Variants in ULK4 observed in about 807,000 individuals in gnomAD.
ULK4 encodes the protein inactive serine/threonine-protein kinase ULK4.
Under a neutral mutation model 160.6 loss-of-function variants are expected in ULK4, and 133 were observed. The observed-to-expected ratio is 0.83, with a 90% CI of 0.72 to 0.96. ULK4 has a LOEUF of 0.96. Among genes scored for constraint, ULK4 ranks in the 40% least tolerant of loss-of-function variants. ULK4 has a pLI of 0.00. For synonymous variants in ULK4, 534 were observed against 539.8 expected, an observed-to-expected ratio of 0.99 and a Z score of 0.15; for missense variants, 1,580 against 1,499.5, an observed-to-expected ratio of 1.05 and a Z score of -0.89.
intron 18 of ULK4, among the ~76,000 whole-genome samples, chr3:41,831,533 T>TATA (rs763838679): frequency 8.0e-6 from 1 of 125,322 alleles, no homozygotes; most frequent in Non-Finnish European, 1.5e-5. Flanking sequence ...ATATATATAT[T>TATA]TTTTTTTCTT....
At chr3:41,768,361 T>C (rs570914821) in intron 21 of ULK4, among the ~76,000 whole-genome samples, 25 of 152,340 alleles carry the variant, frequency 1.6e-4, no homozygotes, top group African/African-American at 4.1e-4. Flanking sequence ...CTAACCTGCT[T>C]CTTTCATGAA....
chr3:41,585,466 A>G (rs551664887), intron 31 of ULK4, among the ~76,000 whole-genome samples: 1 of 152,360 alleles, frequency 6.6e-6, no homozygotes, highest in East Asian at 1.9e-4. Context: ...GGATGTCCAC[A>G]TGCAAACAAA....
rs758990282 is a variant in ULK4 at position 41,900,720 on chromosome 3, T to C, written c.1287+5A>G. On this transcript the variant is annotated splice_donor_5th_base_variant and intron_variant, in intron 13 of 36. Coordinates refer to ENST00000301831, the MANE Select transcript of ULK4 (RefSeq NM_017886.4). Reference sequence around the variant, plus strand: ...CAACTCAGTTGTTAGAGTGTCTTTCTGCACCTTTGGATTGTCGATAATGGG... The same window carrying C: ...CAACTCAGTTGTTAGAGTGTCTTTCCGCACCTTTGGATTGTCGATAATGGG... 1 of 1,611,096 alleles carries C rather than the reference T, an allele frequency of 6.2e-7. No individual in the cohort carries two copies. The highest frequency in any genetic ancestry group is 2.2e-5 in the East Asian group (1 of 44,786).
chr3:41,353,469 A>G (rs1354178874), intron 35 of ULK4, among the ~76,000 whole-genome samples: 3 of 152,008 alleles, frequency 2.0e-5, no homozygotes, highest in African/African-American at 7.3e-5. Flanking sequence ...GTTCAAGACC[A>G]CCCTGGGCAA....
intron 21 of ULK4, among the ~76,000 whole-genome samples, chr3:41,775,066 C>T (rs1474445342): frequency 2.1e-5 from 2 of 97,498 alleles, no homozygotes; most frequent in African/African-American, 9.1e-5. Flanking sequence ...ATACCAGGGA[C>T]GTTGTGAGGT....
chr3:41,586,083 G>T (rs1028565947), intron 31 of ULK4, among the ~76,000 whole-genome samples: 1 of 152,178 alleles, frequency 6.6e-6, no homozygotes, highest in Non-Finnish European at 1.5e-5. Flanking sequence ...ATGGAAAACA[G>T]TATGGAGGTT....
At chr3:41,552,758 T>C (rs1024582567) in intron 32 of ULK4, among the ~76,000 whole-genome samples, 2 of 151,850 alleles carry the variant, frequency 1.3e-5, no homozygotes, top group Non-Finnish European at 2.9e-5. Context: ...TAAATTCATA[T>C]GGAACCCAAA....
chr3:41,358,264 T>C (rs60361438), intron 35 of ULK4, among the ~76,000 whole-genome samples: 5,895 of 152,208 alleles, frequency 0.039, 302 homozygotes, highest in East Asian at 0.19. Flanking sequence ...ACCATATCCC[T>C]AGTACAATTA....
At chr3:41,360,110 T>G (rs1176076086) in intron 35 of ULK4, among the ~76,000 whole-genome samples, 1 of 151,792 alleles carries the variant, frequency 6.6e-6, no homozygotes, top group African/African-American at 2.4e-5. Context: ...GGGCAAAGGA[T>G]ATGAACAGAC....
At chr3:41,842,643 ACC>A (rs2041963204) in intron 17 of ULK4, among the ~76,000 whole-genome samples, 1 of 152,118 alleles carries the variant, frequency 6.6e-6, no homozygotes, top group African/African-American at 2.4e-5. Context: ...ACTCCCCTTC[ACC>A]TTCTGCCATG....
At chr3:41,467,357 T>C (rs1384747199) in intron 32 of ULK4, among the ~76,000 whole-genome samples, 1 of 152,078 alleles carries the variant, frequency 6.6e-6, no homozygotes, top group Non-Finnish European at 1.5e-5. Flanking sequence ...TGAAAACCCA[T>C]CTCTACTAAA....
chr3:41,430,095 G>A (rs1320790331), intron 34 of ULK4, among the ~76,000 whole-genome samples: 1 of 151,830 alleles, frequency 6.6e-6, no homozygotes, highest in Admixed American at 6.6e-5. Context: ...AAAACAAATA[G>A]GAGATAACAC....
intron 30 of ULK4, among the ~76,000 whole-genome samples, chr3:41,657,755 A>C (rs2034992976): frequency 6.7e-6 from 1 of 149,436 alleles, no homozygotes; most frequent in South Asian, 2.1e-4. Flanking sequence ...AGTGAAGGTT[A>C]CAGTGAGCTG....
At chr3:41,642,255 T>C (rs951165403) in intron 30 of ULK4, among the ~76,000 whole-genome samples, 1 of 152,140 alleles carries the variant, frequency 6.6e-6, no homozygotes, top group Non-Finnish European at 1.5e-5. Context: ...TTGTTACTTA[T>C]GTATACATGT....
intron 22 of ULK4, among the ~76,000 whole-genome samples, chr3:41,751,944 A>C (rs992843344): frequency 2.0e-5 from 3 of 152,166 alleles, no homozygotes; most frequent in African/African-American, 7.2e-5. Context: ...AGTGTGCCCA[A>C]AGAAGACAAG....
chr3:41,546,116 T>C (rs2086851903), intron 32 of ULK4, among the ~76,000 whole-genome samples: 1 of 152,184 alleles, frequency 6.6e-6, no homozygotes, highest in Non-Finnish European at 1.5e-5. Flanking sequence ...ATTATTATTA[T>C]GGGTCACATT....
At chr3:41,535,683 C>T (rs2086473787) in intron 32 of ULK4, among the ~76,000 whole-genome samples, 3 of 152,328 alleles carry the variant, frequency 2.0e-5, no homozygotes, top group Admixed American at 6.5e-5. Flanking sequence ...AATCTACACA[C>T]ACTATGGGTT....
intron 35 of ULK4, among the ~76,000 whole-genome samples, chr3:41,389,781 T>C (rs1202464535): frequency 1.3e-5 from 2 of 152,200 alleles, no homozygotes; most frequent in Non-Finnish European, 2.9e-5. Context: ...TGCCAGTATT[T>C]TATTGAGGAT....
intron 19 of ULK4, among the ~76,000 whole-genome samples, chr3:41,801,510 G>A (rs2040458728): frequency 6.7e-6 from 1 of 150,258 alleles, no homozygotes; most frequent in Non-Finnish European, 1.5e-5. Context: ...TGACACCAAG[G>A]TACATCATAA....
Sources: gnomAD v4.1 joint callset for allele counts (sites outside exome capture counted in the v4.1 genomes callset) on GRCh38, gnomAD v4.1.1 for gene constraint, MANE v1.5 for transcripts, NCBI Gene and HGNC (gene_info 2026-07-23, HGNC 2026-07-21) for gene names.